Variants in NUDT3 observed in about 807,000 individuals in gnomAD.
NUDT3 encodes the protein diphosphoinositol polyphosphate phosphohydrolase 1.
Under a neutral mutation model 23.6 loss-of-function variants are expected in NUDT3, and 9 were observed. The observed-to-expected ratio is 0.38, with a 90% CI of 0.23 to 0.66. NUDT3 has a LOEUF of 0.66. NUDT3 is among the 30% of genes least tolerant of loss of function. NUDT3 has a pLI of 0.52. For missense variants in NUDT3, 172 were observed against 218.5 expected, an observed-to-expected ratio of 0.79 and a Z score of 1.34; for synonymous variants, 86 against 82.6, an observed-to-expected ratio of 1.04 and a Z score of -0.22.
intron 2 of NUDT3, among the ~76,000 whole-genome samples, chr6:34,296,037 T>C (rs1185267676): frequency 3.3e-5 from 5 of 152,206 alleles, no homozygotes; most frequent in African/African-American, 9.6e-5. Context: ...GGAGGCTGAA[T>C]TGGGAGGATC....
intron 1 of NUDT3, among the ~76,000 whole-genome samples, chr6:34,358,462 T>C (rs558995385): frequency 6.6e-6 from 1 of 152,306 alleles, no homozygotes; most frequent in Admixed American, 6.5e-5. Flanking sequence ...TTATTCTTTT[T>C]TGTTACTGTT....
At chr6:34,390,406 T>C (rs1765178853) in intron 1 of NUDT3, among the ~76,000 whole-genome samples, 1 of 152,048 alleles carries the variant, frequency 6.6e-6, no homozygotes, top group African/African-American at 2.4e-5. Flanking sequence ...AACATTAATG[T>C]TGCTAATGTC....
At position 34,351,720 on chromosome 6, in the gene NUDT3, G is replaced by A. The variant is rs1472848148; in HGVS notation, c.100-9748C>T. On this transcript the variant is annotated intron_variant, in intron 1 of 4. Transcript: ENST00000607016. ...CGCACCATTGCATTCCAGCCTGTGC[G>A]ACAAGAGTCAAACTCTGTCTCAAAA... is the stretch of plus-strand genomic sequence containing the variant. Among the ~76,000 whole-genome samples the A allele has an allele frequency of 6.1e-5, 7 of 114,506 alleles. 1 individual carries two copies. The East Asian group carries it at 9.1e-4, about 15-fold the overall frequency. 75.1% of individuals were successfully genotyped at this position (114,506 alleles called of 152,430 possible). A position where few individuals can be genotyped will look rare whatever the true frequency, so the allele number is the denominator to read the frequency against.
intron 1 of NUDT3, among the ~76,000 whole-genome samples, chr6:34,373,022 G>GT (rs966003058): frequency 2.0e-5 from 3 of 151,976 alleles, no homozygotes; most frequent in Non-Finnish European, 4.4e-5. Context: ...GCTCACACCT[G>GT]TAATTCCAGC....
At chr6:34,325,021 A>G (rs78346813) in intron 2 of NUDT3, among the ~76,000 whole-genome samples, 14,653 of 152,220 alleles carry the variant, frequency 0.096, 803 homozygotes, top group Non-Finnish European at 0.12. Flanking sequence ...GCTTGCCTTC[A>G]TCCCCGAACT....
rs1257514298 is a variant in NUDT3 at position 34,281,755 on chromosome 6, AAAC to A, written c.*6995_*6997del. ...TGAAAGAGTGAGATTCTCAGAGGCTAAACAACATTCTGGGAGCAAATTGGATTT... is the reference window on the plus strand; with the variant it reads ...TGAAAGAGTGAGATTCTCAGAGGCTAAACATTCTGGGAGCAAATTGGATTT... On this transcript the variant is annotated 3_prime_UTR_variant, in exon 5 of 5. Transcript: ENST00000607016. 6.6e-6 allele frequency: 1 copy of A among 152,236 alleles called. No homozygotes were observed. The highest frequency in any genetic ancestry group is 1.5e-5 in the Non-Finnish European group (1 of 68,050). The allele number at this position is 152,236 out of a possible 1,614,324, so 9.4% of individuals were successfully genotyped here.
chr6:34,289,903 C>T lies in NUDT3; in HGVS notation c.341-972G>A, dbSNP rs117154958. Among the ~76,000 whole-genome samples the T allele has an allele frequency of 7.2e-5, 11 of 152,274 alleles. No homozygotes were observed. The East Asian group carries it at 2.1e-3, about 29-fold the overall frequency. ...ACTTGAAAAAGAAACAATCTTGAGA[C>T]AACCAAAATTGGATCATGCTTTCAG... is the stretch of plus-strand genomic sequence containing the variant. On this transcript the variant is annotated intron_variant, in intron 4 of 4. Coordinates refer to ENST00000607016, the MANE Select transcript of NUDT3 (RefSeq NM_006703.4).
chr6:34,308,524 T>G (rs1763720148), intron 2 of NUDT3, among the ~76,000 whole-genome samples: 1 of 151,064 alleles, frequency 6.6e-6, no homozygotes, highest in Non-Finnish European at 1.5e-5. Context: ...TCATCCAATA[T>G]GTTTAATATG....
intron 1 of NUDT3, among the ~76,000 whole-genome samples, chr6:34,373,956 C>T (rs1330150979): frequency 2.6e-5 from 4 of 151,956 alleles, no homozygotes; most frequent in Non-Finnish European, 4.4e-5. Flanking sequence ...GAGTTTGAGA[C>T]CAGCCTGGCC....
intron 2 of NUDT3, among the ~76,000 whole-genome samples, chr6:34,328,959 G>A (rs1764084405): frequency 6.6e-6 from 1 of 152,146 alleles, no homozygotes; most frequent in African/African-American, 2.4e-5. Context: ...CTGGGTAAAA[G>A]GTACAGATGA....
intron 2 of NUDT3, among the ~76,000 whole-genome samples, chr6:34,338,510 A>G (rs2237100): frequency 6.6e-6 from 1 of 152,200 alleles, no homozygotes; most frequent in East Asian, 1.9e-4. Context: ...GGCAAAACCC[A>G]AATTTCTGTA....
In NUDT3 at chr6:34,288,109, C is replaced by T. The variant is rs1052307326; in HGVS notation, c.*644G>A. The T allele has an allele frequency of 6.6e-6, 1 of 152,150 alleles. No homozygotes were observed. The highest frequency in any genetic ancestry group is 2.4e-5 in the African/African-American group (1 of 41,448). The allele number at this position is 152,150 out of a possible 1,614,324, so 9.4% of individuals were successfully genotyped here. On this transcript the variant is annotated 3_prime_UTR_variant, in exon 5 of 5. Coordinates refer to ENST00000607016, the MANE Select transcript of NUDT3 (RefSeq NM_006703.4). ...GGAAATAGAGAAAGGACAGGGCAAC[C>T]TGCCCAGCCACTAGCATCGAAAACA... is the stretch of plus-strand genomic sequence containing the variant.
Position 34,288,667 on chromosome 6 carries a change from G to A in NUDT3, c.*86C>T. ...GCCTTATTTGAAAGAGGAGGCCTGT[G>A]AGAAGTGGAAAGAGCCAGGGTGAGA... On this transcript the variant is annotated 3_prime_UTR_variant, in exon 5 of 5. Coordinates refer to ENST00000607016, the MANE Select transcript of NUDT3 (RefSeq NM_006703.4). 6.7e-7 allele frequency: 1 copy of A among 1,501,210 alleles called. No individual in the cohort carries two copies. Among genetic ancestry groups the A allele is most frequent in the Non-Finnish European group, 8.9e-7 (1 of 1,122,712 alleles). 93.0% of individuals were successfully genotyped at this position (1,501,210 alleles called of 1,614,324 possible).
intron 2 of NUDT3, among the ~76,000 whole-genome samples, chr6:34,328,666 T>TA (rs899140834): frequency 2.0e-5 from 3 of 152,152 alleles, no homozygotes; most frequent in Non-Finnish European, 4.4e-5. Flanking sequence ...GGACTACAGC[T>TA]GTACCCACCT....
At chr6:34,345,933 C>T (rs1314998395) in intron 1 of NUDT3, among the ~76,000 whole-genome samples, 1 of 151,656 alleles carries the variant, frequency 6.6e-6, no homozygotes, top group Non-Finnish European at 1.5e-5. Context: ...CACGCCCGGC[C>T]GATTTTTGTA....
intron 1 of NUDT3, among the ~76,000 whole-genome samples, chr6:34,354,679 C>T (rs2113746605): frequency 6.8e-6 from 1 of 146,864 alleles, no homozygotes; most frequent in Non-Finnish European, 1.5e-5. Context: ...GCTGAGATGG[C>T]ACCACTGCAC....
chr6:34,367,237 T>A (rs1330584739), intron 1 of NUDT3, among the ~76,000 whole-genome samples: 1 of 151,912 alleles, frequency 6.6e-6, no homozygotes, highest in Non-Finnish European at 1.5e-5. Context: ...ATACCAGCAC[T>A]TTGGGAGGCT....
Position 34,286,283 on chromosome 6 carries a change from G to A in NUDT3, c.*2470C>T, listed in dbSNP as rs905481899. ...TTTAGTAGAGATGGGGTTTTGCCAT[G>A]TTGGTCAGGCTGGTCTCAAACTCCT... On this transcript the variant is annotated 3_prime_UTR_variant, in exon 5 of 5. Coordinates refer to ENST00000607016, the MANE Select transcript of NUDT3 (RefSeq NM_006703.4). The A allele has an allele frequency of 2.6e-5, 4 of 152,146 alleles. No individual in the cohort carries two copies. The highest frequency in any genetic ancestry group is 9.7e-5 in the African/African-American group (4 of 41,416). The allele number at this position is 152,146 out of a possible 1,614,324, so 9.4% of individuals were successfully genotyped here. A position where few individuals can be genotyped will look rare whatever the true frequency, so the allele number is the denominator to read the frequency against.
At chr6:34,338,186 G>A (rs1764236708) in intron 2 of NUDT3, among the ~76,000 whole-genome samples, 1 of 152,186 alleles carries the variant, frequency 6.6e-6, no homozygotes, top group Non-Finnish European at 1.5e-5. Context: ...TTCTGCTTCA[G>A]AGTAAAGAAA....
Sources: allele counts gnomAD v4.1 joint callset (sites outside exome capture counted in the v4.1 genomes callset), GRCh38; gene constraint gnomAD v4.1.1; transcripts MANE v1.5; gene names NCBI Gene and HGNC (gene_info 2026-07-23, HGNC 2026-07-21).